The following DOCK2 variants were observed in gnomAD, a reference collection of about 807,000 sequenced individuals.
DOCK2 encodes the protein dedicator of cytokinesis 2.
A neutral mutation model predicts 248.9 loss-of-function variants in DOCK2; 87 were observed. That is an observed-to-expected ratio of 0.35 (90% CI 0.29 to 0.42). The LOEUF (loss-of-function observed/expected upper bound fraction) is 0.42. Among genes scored for constraint, DOCK2 ranks in the 10% least tolerant of loss-of-function variants. The pLI is 1.00. For missense variants in DOCK2, 1,747 were observed against 2,300.2 expected, an observed-to-expected ratio of 0.76 and a Z score of 4.92; for synonymous variants, 805 against 821.6, an observed-to-expected ratio of 0.98 and a Z score of 0.35.
chr5:169,669,629 A>G (rs1481141155), intron 3 of DOCK2, among the ~76,000 whole-genome samples: 3 of 152,086 alleles, frequency 2.0e-5, no homozygotes, highest in Admixed American at 1.3e-4. Context: ...TATAAATTTG[A>G]AATTTATTCT....
intron 34 of DOCK2, among the ~76,000 whole-genome samples, chr5:170,028,233 G>A (rs186216393): frequency 3.0e-4 from 46 of 152,326 alleles, no homozygotes; most frequent in Admixed American, 1.8e-3. Flanking sequence ...CTTAACTGTG[G>A]AATGTGATTG....
At chr5:170,045,153 A>G (rs1756656902) in intron 38 of DOCK2, among the ~76,000 whole-genome samples, 3 of 151,992 alleles carry the variant, frequency 2.0e-5, no homozygotes. Context: ...ACCTGACTCT[A>G]CTTCCACACA....
At chr5:169,987,101 T>G (rs1424611119) in intron 29 of DOCK2, among the ~76,000 whole-genome samples, 1 of 152,232 alleles carries the variant, frequency 6.6e-6, no homozygotes, top group Admixed American at 6.5e-5. Context: ...AATCTGTGTG[T>G]GTGTCTCTCT....
intron 36 of DOCK2, chr5:170,040,789 A>T (rs1230138792): frequency 1.0e-5 from 4 of 382,128 alleles, no homozygotes; most frequent in Non-Finnish European, 1.8e-5. Context: ...GAAAAGAGGA[A>T]TTCCTGAGAC....
intron 29 of DOCK2, among the ~76,000 whole-genome samples, chr5:169,991,768 A>G (rs752137346): frequency 1.3e-5 from 2 of 152,232 alleles, no homozygotes; most frequent in Non-Finnish European, 2.9e-5. Flanking sequence ...AACTGAAAAC[A>G]CTTTAGAGAA....
chr5:170,050,401 T>C lies in DOCK2; in HGVS notation c.4213+4T>C, dbSNP rs1199164447. 1.2e-6 allele frequency: 2 copies of C among 1,613,386 alleles called. No homozygotes were observed. The highest frequency in any genetic ancestry group is 1.7e-6 in the Non-Finnish European group (2 of 1,179,656). On this transcript the variant is annotated splice_donor_region_variant and intron_variant, in intron 41 of 51. Transcript: ENST00000520908. ...GTGAAGAATGCCCCAGGCCAGTGTATCCTTGGAGAATGCCCTAGCCAAGGG... is the reference window on the plus strand; with the variant it reads ...GTGAAGAATGCCCCAGGCCAGTGTACCCTTGGAGAATGCCCTAGCCAAGGG...
At chr5:169,970,943 G>C (rs576168839) in intron 27 of DOCK2, among the ~76,000 whole-genome samples, 45 of 152,188 alleles carry the variant, frequency 3.0e-4, no homozygotes, top group African/African-American at 8.7e-4. Context: ...TCAAAGGCAG[G>C]GGTTTTGCAG....
chr5:169,745,729 T>A (rs1265891721), intron 22 of DOCK2, among the ~76,000 whole-genome samples: 1 of 152,130 alleles, frequency 6.6e-6, no homozygotes, highest in Non-Finnish European at 1.5e-5. Flanking sequence ...TCCAGGAAGG[T>A]GCCTGGAGCA....
intron 27 of DOCK2, among the ~76,000 whole-genome samples, chr5:169,846,064 C>T (rs1306412277): frequency 1.3e-5 from 2 of 152,142 alleles, no homozygotes; most frequent in African/African-American, 2.4e-5. Flanking sequence ...ATCCCCATTC[C>T]ACCTGTCACT....
intron 27 of DOCK2, among the ~76,000 whole-genome samples, chr5:169,951,105 G>A (rs1221497078): frequency 3.3e-5 from 5 of 152,088 alleles, no homozygotes; most frequent in South Asian, 2.1e-4. Context: ...TCTGGGACAC[G>A]GTCCCCACCA....
intron 9 of DOCK2, among the ~76,000 whole-genome samples, chr5:169,692,741 G>A (rs1760383558): frequency 6.6e-6 from 1 of 152,174 alleles, no homozygotes; most frequent in South Asian, 2.1e-4. Flanking sequence ...CACAATTCTG[G>A]AGTCTAGAAG....
chr5:169,663,126 T>G (rs1306529480), intron 2 of DOCK2, among the ~76,000 whole-genome samples: 1 of 152,318 alleles, frequency 6.6e-6, no homozygotes, highest in African/African-American at 2.4e-5. Context: ...GCTACAGGCC[T>G]CATGCAAGTC....
Position 170,056,472 on chromosome 5 carries a change from A to G in DOCK2, c.4296-212A>G, listed in dbSNP as rs78811410. The G allele has an allele frequency of 5.4e-3, 2,789 of 517,390 alleles. 61 individuals carry two copies. Among genetic ancestry groups the G allele is most frequent in the African/African-American group, 0.049 (2,520 of 51,774 alleles). 32.0% of individuals were successfully genotyped at this position (517,390 alleles called of 1,614,324 possible). On this transcript the variant is annotated intron_variant, in intron 42 of 51. Coordinates refer to ENST00000520908, the MANE Select transcript of DOCK2 (RefSeq NM_004946.3). Reference sequence around the variant, plus strand: ...TATGTTCTCAAAGGGGCACAAGACCAGTCTACCTTCTAAATTGCCTTGTCA... The same window carrying G: ...TATGTTCTCAAAGGGGCACAAGACCGGTCTACCTTCTAAATTGCCTTGTCA...
intron 9 of DOCK2, among the ~76,000 whole-genome samples, chr5:169,694,807 C>T (rs1470261546): frequency 6.6e-6 from 1 of 151,496 alleles, no homozygotes; most frequent in African/African-American, 2.4e-5. Flanking sequence ...TAGTGAGACC[C>T]CATCTCTTAA....
intron 27 of DOCK2, among the ~76,000 whole-genome samples, chr5:169,893,454 A>G (rs951511879): frequency 6.8e-6 from 1 of 147,760 alleles, no homozygotes; most frequent in African/African-American, 2.5e-5. Flanking sequence ...GTTTTTCACT[A>G]CATAACTGGG....
chr5:169,881,977 G>T (rs773000973), intron 27 of DOCK2, among the ~76,000 whole-genome samples: 1 of 152,176 alleles, frequency 6.6e-6, no homozygotes, highest in African/African-American at 2.4e-5. Flanking sequence ...ACCCAGGAAA[G>T]CATTTTGTGA....
At chr5:169,886,458 T>G (rs1772976328) in intron 27 of DOCK2, among the ~76,000 whole-genome samples, 1 of 152,226 alleles carries the variant, frequency 6.6e-6, no homozygotes, top group South Asian at 2.1e-4. Flanking sequence ...ACTAAATCCT[T>G]TCTGCATCTT....
At chr5:169,817,754 C>G (rs1004847150) in intron 26 of DOCK2, among the ~76,000 whole-genome samples, 4 of 152,214 alleles carry the variant, frequency 2.6e-5, no homozygotes, top group African/African-American at 9.6e-5. Flanking sequence ...TATTTACAGA[C>G]TCTCCAAGGA....
Position 170,057,568 on chromosome 5 carries a change from G to A in DOCK2, c.4381-12G>A. On this transcript the variant is annotated splice_polypyrimidine_tract_variant and intron_variant, in intron 43 of 51. Transcript: ENST00000520908. ...GCTTTCCTGCCCTTGCCACCCCTCTGCCCACGGACAGTCCATGTGGATTGA... is the reference window on the plus strand; with the variant it reads ...GCTTTCCTGCCCTTGCCACCCCTCTACCCACGGACAGTCCATGTGGATTGA... 6.2e-7 allele frequency: 1 copy of A among 1,612,836 alleles called. No individual in the cohort carries two copies. The highest frequency in any genetic ancestry group is 8.5e-7 in the Non-Finnish European group (1 of 1,178,800).
Sources: gnomAD v4.1 joint callset for allele counts (sites outside exome capture counted in the v4.1 genomes callset) on GRCh38, gnomAD v4.1.1 for gene constraint, MANE v1.5 for transcripts, NCBI Gene and HGNC (gene_info 2026-07-23, HGNC 2026-07-21) for gene names.